The following PCSK6 variants were observed in gnomAD, a reference collection of about 807,000 sequenced individuals.
The protein encoded by PCSK6 is proprotein convertase subtilisin/kexin type 6.
In PCSK6, 85 loss-of-function variants were observed where a neutral mutation model predicts 123.3. The ratio of observed to expected loss-of-function variants is 0.69; its 90% CI spans 0.58 to 0.83. The LOEUF (loss-of-function observed/expected upper bound fraction) is 0.83. Ranked by LOEUF, PCSK6 falls within the 40% of genes least tolerant of loss-of-function variation. PCSK6 has a pLI of 0.00. For missense variants in PCSK6, 1,191 were observed against 1,282.3 expected, an observed-to-expected ratio of 0.93 and a Z score of 1.09; for synonymous variants, 508 against 516.0, an observed-to-expected ratio of 0.98 and a Z score of 0.21.
At chr15:101,469,594 G>T (rs1473007833) in intron 1 of PCSK6, among the ~76,000 whole-genome samples, 1 of 152,204 alleles carries the variant, frequency 6.6e-6, no homozygotes, top group African/African-American at 2.4e-5. Context: ...GAGCCCCGAA[G>T]AACATGCCAG....
intron 1 of PCSK6, among the ~76,000 whole-genome samples, chr15:101,458,641 C>G (rs531526651): frequency 6.6e-6 from 1 of 152,166 alleles, no homozygotes; most frequent in Non-Finnish European, 1.5e-5. Context: ...GCGCGACTGA[C>G]GGTCCCAAAG....
intron 1 of PCSK6, among the ~76,000 whole-genome samples, chr15:101,467,951 C>T (rs187485377): frequency 1.0e-3 from 152 of 152,300 alleles, no homozygotes; most frequent in African/African-American, 3.2e-3. Context: ...ATAGCCTAGT[C>T]ACTGGACGGG....
rs2039703623 is a variant in PCSK6 at position 101,305,530 on chromosome 15, A to G, written c.2813-175T>C. 1 of 562,656 alleles carries G rather than the reference A, an allele frequency of 1.8e-6. No individual in the cohort carries two copies. The highest frequency in any genetic ancestry group is 3.2e-5 in the East Asian group (1 of 31,578). 34.9% of individuals were successfully genotyped at this position (562,656 alleles called of 1,614,324 possible). A position where few individuals can be genotyped will look rare whatever the true frequency, so the allele number is the denominator to read the frequency against. ...TGAGACCAGTCTAACCAACATGGTG[A>G]AACCCCGTCTCTACTAATAATATAA... On this transcript the variant is annotated intron_variant, in intron 21 of 21. Coordinates refer to ENST00000611716, the MANE Select transcript of PCSK6 (RefSeq NM_002570.5). The surrounding 1 kb of genome is among the most constrained non-coding windows in gnomAD (Gnocchi z 4.8).
chr15:101,356,054 T>A (rs1349292761), intron 13 of PCSK6, among the ~76,000 whole-genome samples: 1 of 152,210 alleles, frequency 6.6e-6, no homozygotes, highest in Non-Finnish European at 1.5e-5. Flanking sequence ...CGTGGGAGAA[T>A]GAAGCATACA....
chr15:101,432,199 C>A (rs2056468118), intron 2 of PCSK6, 99 bp from the exon 3 acceptor site: 1 of 943,426 alleles, frequency 1.1e-6, no homozygotes, highest in Non-Finnish European at 1.7e-6. Flanking sequence ...GCGTGAATAT[C>A]TGTGTCATAG....
intron 1 of PCSK6, among the ~76,000 whole-genome samples, chr15:101,466,050 C>G (rs1402635967): frequency 6.6e-6 from 1 of 151,984 alleles, no homozygotes; most frequent in Admixed American, 6.6e-5. Context: ...CAGAGAATGT[C>G]AGAGTGGATT....
intron 13 of PCSK6, among the ~76,000 whole-genome samples, chr15:101,343,812 C>T (rs568156196): frequency 4.1e-4 from 62 of 152,206 alleles, no homozygotes; most frequent in Admixed American, 6.5e-4. Context: ...GTGTATTGGC[C>T]GGGCGCGGTG....
chr15:101,332,238 G>A (rs2040386616), intron 13 of PCSK6, among the ~76,000 whole-genome samples: 1 of 152,216 alleles, frequency 6.6e-6, no homozygotes, highest in Non-Finnish European at 1.5e-5. Flanking sequence ...GCAAGCCAGT[G>A]CCCTTTTATT....
intron 2 of PCSK6, among the ~76,000 whole-genome samples, chr15:101,437,963 C>T (rs200515028): frequency 6.6e-6 from 1 of 152,182 alleles, no homozygotes; most frequent in East Asian, 1.9e-4. Flanking sequence ...GGTCATGATG[C>T]GGGGGACCCT....
chr15:101,332,604 G>A (rs1022703249), intron 13 of PCSK6, among the ~76,000 whole-genome samples: 4 of 152,220 alleles, frequency 2.6e-5, no homozygotes, highest in African/African-American at 9.7e-5. Context: ...CTGGGGGATA[G>A]CAGTGCTGGT....
intron 13 of PCSK6, among the ~76,000 whole-genome samples, chr15:101,336,544 A>G (rs1402949984): frequency 6.6e-6 from 1 of 152,278 alleles, no homozygotes; most frequent in East Asian, 1.9e-4. Flanking sequence ...ATTATATGAG[A>G]AACGGAGCAT....
intron 7 of PCSK6, among the ~76,000 whole-genome samples, chr15:101,397,572 A>G (rs926403705): frequency 6.6e-6 from 1 of 151,778 alleles, no homozygotes; most frequent in Non-Finnish European, 1.5e-5. Context: ...CCCACTCCCT[A>G]CAGCAGTCAC....
chr15:101,319,574 T>C (rs1474824705), intron 18 of PCSK6, among the ~76,000 whole-genome samples: 3 of 152,192 alleles, frequency 2.0e-5, no homozygotes, highest in African/African-American at 7.2e-5. Flanking sequence ...AGCTTTGGAA[T>C]TTTTAGCCCT....
intron 13 of PCSK6, among the ~76,000 whole-genome samples, chr15:101,339,840 G>A (rs1467289150): frequency 6.6e-6 from 1 of 152,026 alleles, no homozygotes; most frequent in Non-Finnish European, 1.5e-5. Context: ...GAGCCCAAGA[G>A]TTGGAGGCTG....
intron 1 of PCSK6, 60 bp downstream of exon 1, chr15:101,489,314 C>A (rs186935141): frequency 0.51 from 535,564 of 1,047,550 alleles, 139,028 homozygotes; most frequent in Non-Finnish European, 0.53. Context: ...GAGGCGCCCC[C>A]CTCGCGCGCG....
intron 6 of PCSK6, among the ~76,000 whole-genome samples, chr15:101,408,069 G>A (rs2042832515): frequency 6.6e-6 from 1 of 152,210 alleles, no homozygotes; most frequent in South Asian, 2.1e-4. Flanking sequence ...CACACAGGAA[G>A]CCAGTGAGAG....
At chr15:101,306,227 A>T (rs2141326599) in intron 21 of PCSK6, among the ~76,000 whole-genome samples, 1 of 152,154 alleles carries the variant, frequency 6.6e-6, no homozygotes, top group African/African-American at 2.4e-5. Context: ...TCATCCGTGG[A>T]CCTGGGAGGC....
intron 18 of PCSK6, among the ~76,000 whole-genome samples, chr15:101,322,052 G>A (rs537615019): frequency 6.6e-6 from 1 of 152,340 alleles, no homozygotes; most frequent in Non-Finnish European, 1.5e-5. Flanking sequence ...GCTTTATGGG[G>A]CTGAGCCTGA....
intron 1 of PCSK6, among the ~76,000 whole-genome samples, chr15:101,481,590 T>C (rs1335700850): frequency 2.0e-5 from 3 of 151,730 alleles, no homozygotes; most frequent in South Asian, 2.1e-4. Flanking sequence ...CCACAGCCTG[T>C]GCTGGGCGGT....
Sources: gnomAD v4.1 joint callset for allele counts (sites outside exome capture counted in the v4.1 genomes callset) on GRCh38, gnomAD v4.1.1 for gene constraint, Gnocchi (gnomAD v3.1) non-coding constraint, MANE v1.5 for transcripts, NCBI Gene and HGNC (gene_info 2026-07-23, HGNC 2026-07-21) for gene names.